CTNND2: variants seen among roughly 807,000 people sequenced by gnomAD.
CTNND2 encodes the protein catenin delta-2.
A neutral mutation model predicts 144.4 loss-of-function variants in CTNND2; 22 were observed. The ratio of observed to expected loss-of-function variants is 0.15; its 90% CI spans 0.11 to 0.22. The LOEUF (loss-of-function observed/expected upper bound fraction) is 0.22. Ranked by LOEUF, CTNND2 falls within the 10% of genes least tolerant of loss-of-function variation. The probability of loss-of-function intolerance (pLI) is 1.00; values close to 1 mark genes in which losing one functional copy is unlikely to be tolerated. For missense variants in CTNND2, 1,353 were observed against 1,618.8 expected (o/e 0.84, Z 2.82); for synonymous variants, 751 against 695.6 (o/e 1.08, Z -1.25).
chr5:11,364,749 C>A lies in CTNND2; in HGVS notation c.1319G>T (p.Ser440Ile), dbSNP rs897851304. 24 of 1,613,724 alleles carry A rather than the reference C, an allele frequency of 1.5e-5. No individual in the cohort carries two copies. The Admixed American group carries it at 2.5e-4, about 17-fold the overall frequency. ...QKPPMRSLSQ[S>I]QGDPLPPAHT... ...TGCTGGCGGCAGAGGGTCCCCCTGG[C>A]TCTGGCTGAGACTCCTCATAGGGGG... Residue 440 changes from serine to isoleucine, a missense_variant, in exon 8 of 22, where the codon AGC becomes ATC. Around this residue, in one of 4 missense-constraint regions of CTNND2, gnomAD observed 708 missense variants for 706.4 expected, o/e 1.00. Coordinates refer to ENST00000304623, the MANE Select transcript of CTNND2 (RefSeq NM_001332.4).
intron 9 of CTNND2, among the ~76,000 whole-genome samples, chr5:11,285,258 T>C (rs987617869): frequency 6.6e-6 from 1 of 152,150 alleles, no homozygotes; most frequent in Non-Finnish European, 1.5e-5. Flanking sequence ...CACCACTGCC[T>C]TCCTCCTTAG....
chr5:11,410,432 C>T (rs961225831), intron 5 of CTNND2, among the ~76,000 whole-genome samples: 3 of 151,874 alleles, frequency 2.0e-5, no homozygotes, highest in African/African-American at 4.8e-5. Context: ...TTTTGCATGA[C>T]GAAGCTTAGT....
At chr5:11,868,275 G>A (rs1795869917) in intron 1 of CTNND2, among the ~76,000 whole-genome samples, 1 of 152,130 alleles carries the variant, frequency 6.6e-6, no homozygotes, top group African/African-American at 2.4e-5. Flanking sequence ...GTGCTCCAGG[G>A]TGGTGATTGG....
At chr5:11,507,059 G>A (rs904013541) in intron 3 of CTNND2, among the ~76,000 whole-genome samples, 21 of 151,960 alleles carry the variant, frequency 1.4e-4, no homozygotes, top group Admixed American at 3.9e-4. Flanking sequence ...CACAGTCTCC[G>A]ACCTACTTCA....
intron 9 of CTNND2, among the ~76,000 whole-genome samples, chr5:11,328,221 T>C (rs1436414577): frequency 6.6e-6 from 1 of 152,158 alleles, no homozygotes; most frequent in African/African-American, 2.4e-5. Flanking sequence ...CACAAACCTT[T>C]CAAATTTAGA....
intron 11 of CTNND2, among the ~76,000 whole-genome samples, chr5:11,193,595 C>G (rs538845160): frequency 6.6e-6 from 1 of 152,130 alleles, no homozygotes; most frequent in African/African-American, 2.4e-5. Flanking sequence ...GCTCCTCTGA[C>G]CCCTTTTGGT....
At chr5:11,237,369 T>C (rs946457663) in intron 9 of CTNND2, among the ~76,000 whole-genome samples, 2 of 152,248 alleles carry the variant, frequency 1.3e-5, no homozygotes, top group African/African-American at 4.8e-5. Context: ...ATTGGTTTTA[T>C]AGATTATATA....
chr5:11,393,998 C>T (rs1248013053), intron 6 of CTNND2, among the ~76,000 whole-genome samples: 2 of 152,116 alleles, frequency 1.3e-5, no homozygotes, highest in Non-Finnish European at 2.9e-5. Flanking sequence ...GTCAGCATGC[C>T]AGGCTGCCCC....
intron 9 of CTNND2, among the ~76,000 whole-genome samples, chr5:11,291,664 C>T (rs1748364090): frequency 6.6e-6 from 1 of 152,130 alleles, no homozygotes; most frequent in South Asian, 2.1e-4. Context: ...TCCTGCCACA[C>T]TTGCCAAACT....
chr5:11,483,007 G>T (rs1484835198), intron 3 of CTNND2, among the ~76,000 whole-genome samples: 1 of 152,036 alleles, frequency 6.6e-6, no homozygotes, highest in Admixed American at 6.6e-5. Flanking sequence ...CCACAGAGAG[G>T]CACTGGTCAG....
chr5:11,589,078 TAAAAG>T, intron 2 of CTNND2: 1 of 972,404 alleles, frequency 1.0e-6, no homozygotes, highest in Non-Finnish European at 1.2e-6. Flanking sequence ...GTTGCTGTCT[TAAAAG>T]AGAAAAGAAT....
At chr5:11,231,875 T>G (rs2149887415) in intron 10 of CTNND2, among the ~76,000 whole-genome samples, 1 of 152,304 alleles carries the variant, frequency 6.6e-6, no homozygotes, top group South Asian at 2.1e-4. Context: ...AAAAATGGTT[T>G]TGTGGGCTTG....
chr5:11,845,796 G>A (rs1794706056), intron 1 of CTNND2, among the ~76,000 whole-genome samples: 1 of 152,168 alleles, frequency 6.6e-6, no homozygotes, highest in Non-Finnish European at 1.5e-5. Flanking sequence ...AAATCAGTAA[G>A]ATATCAAGGC....
intron 3 of CTNND2, among the ~76,000 whole-genome samples, chr5:11,514,756 T>A (rs1357286476): frequency 6.6e-6 from 1 of 152,164 alleles, no homozygotes; most frequent in African/African-American, 2.4e-5. Flanking sequence ...TTCCCTAAGA[T>A]GCAAATATGC....
At chr5:11,546,496 A>T (rs556357281) in intron 3 of CTNND2, among the ~76,000 whole-genome samples, 1 of 152,318 alleles carries the variant, frequency 6.6e-6, no homozygotes, top group African/African-American at 2.4e-5. Flanking sequence ...AGAAGTCTAC[A>T]AATTACTAGA....
intron 2 of CTNND2, among the ~76,000 whole-genome samples, chr5:11,603,736 G>T (rs1285530523): frequency 6.6e-6 from 1 of 152,074 alleles, no homozygotes; most frequent in Non-Finnish European, 1.5e-5. Flanking sequence ...ATTACTAGAA[G>T]AATCTCATTT....
rs191258966 is a variant in CTNND2, at chr5:11,477,192, G to A, written c.288-65123C>T. 3.5e-3 allele frequency among the ~76,000 whole-genome samples: 536 copies of A among 152,172 alleles called. 1 individual carries two copies. Among genetic ancestry groups the A allele is most frequent in the Non-Finnish European group, 5.2e-3 (351 of 68,016 alleles). On this transcript the variant is annotated intron_variant, in intron 3 of 21. Transcript: ENST00000304623. ...TCATGATTTATCCCACAATTATCAC[G>A]GCAATTAACTCCCATGAACTATTCA...
chr5:11,436,024 G>A (rs375829125), intron 3 of CTNND2, among the ~76,000 whole-genome samples: 12 of 152,120 alleles, frequency 7.9e-5, no homozygotes, highest in African/African-American at 2.9e-4. Context: ...GGAGAAAGAC[G>A]ACGGCAGGGC....
rs1561648940 is a variant in CTNND2, at chr5:11,641,748, G to GTGTATATACATACATATACGTATA, written c.175-76693_175-76692insTATACGTATATGTATGTATATACA. ...TACGTGTGTGTATATACATATACGT[G>GTGTATATACATACATATACGTATA]TGTATGTACATACATATACGTATAT... On this transcript the variant is annotated intron_variant, in intron 2 of 21. Transcript: ENST00000304623. Among the ~76,000 whole-genome samples, 154 of 131,908 alleles carry GTGTATATACATACATATACGTATA rather than the reference G, an allele frequency of 1.2e-3. 7 individuals carry two copies. The Middle Eastern group carries it at 0.013, about 11-fold the overall frequency. 86.5% of individuals were successfully genotyped at this position (131,908 alleles called of 152,430 possible).
Sources: allele counts gnomAD v4.1 joint callset (sites outside exome capture counted in the v4.1 genomes callset), GRCh38; gene constraint gnomAD v4.1.1; regional missense constraint gnomAD v4.1.1; transcripts MANE v1.5; gene names NCBI Gene and HGNC (gene_info 2026-07-23, HGNC 2026-07-21).